PCDHA3: variants seen among roughly 807,000 people sequenced by gnomAD.
PCDHA3 encodes the protein protocadherin alpha 3.
Under a neutral mutation model 62.2 loss-of-function variants are expected in PCDHA3, and 41 were observed. The ratio of observed to expected loss-of-function variants is 0.66; its 90% CI spans 0.51 to 0.86. PCDHA3 has a LOEUF of 0.86. PCDHA3 is among the 40% of genes least tolerant of loss of function. The probability of loss-of-function intolerance (pLI) is 0.00; values close to 1 mark genes in which losing one functional copy is unlikely to be tolerated. For missense variants in PCDHA3, 1,304 were observed against 1,241.2 expected (o/e 1.05, Z -0.76); for synonymous variants, 640 against 555.4 (o/e 1.15, Z -2.14).
At chr5:140,851,475 T>C (rs1554145417) in intron 1 of PCDHA3, 2 of 890,456 alleles carry the variant, frequency 2.2e-6, no homozygotes, top group African/African-American at 3.6e-5. Flanking sequence ...CAATAAATGT[T>C]ATAAACACAG....
intron 1 of PCDHA3, among the ~76,000 whole-genome samples, chr5:140,913,928 G>A (rs2076511708): frequency 1.3e-5 from 2 of 151,918 alleles, no homozygotes; most frequent in Non-Finnish European, 2.9e-5. Flanking sequence ...CTTCATTGTG[G>A]TCAGAGAAGA....
At chr5:140,919,926 T>C (rs1040693581) in intron 1 of PCDHA3, among the ~76,000 whole-genome samples, 18 of 152,088 alleles carry the variant, frequency 1.2e-4, no homozygotes, top group African/African-American at 4.1e-4. Flanking sequence ...AATTTTCAGG[T>C]GGGGGCTAAT....
intron 1 of PCDHA3, chr5:140,857,553 C>A: frequency 1.3e-6 from 2 of 1,597,008 alleles, no homozygotes; most frequent in Non-Finnish European, 1.7e-6. Flanking sequence ...GGCGAGCGCT[C>A]GCTGTCGAGC....
chr5:140,803,913 C>T, intron 1 of PCDHA3: 2 of 500,064 alleles, frequency 4.0e-6, no homozygotes, highest in South Asian at 2.5e-5. Flanking sequence ...AATCTGACTT[C>T]GACTTGTTTT....
At position 140,803,106 on chromosome 5, in the gene PCDHA3, C is replaced by G. The variant is rs781825644; in HGVS notation, c.1909C>G (p.Leu637Val). Reference sequence around the variant, plus strand: ...GGGAGAGATCAGCACGACCCGTGCCCTGGACGAGGTGGACGCCCCGCGCCA... The same window carrying G: ...GGGAGAGATCAGCACGACCCGTGCCGTGGACGAGGTGGACGCCCCGCGCCA... ...YTGEISTTRA[L>V]DEVDAPRHRL... is the part of the protein sequence containing the mutation. Residue 637 changes from leucine (L) to valine (V), a missense_variant, in exon 1 of 4, where the codon CTG (leucine) becomes GTG (valine). Leu to Val is a conservative substitution (Grantham distance 32, BLOSUM62 1). Transcript: ENST00000522353. 3.7e-6 allele frequency: 6 copies of G among 1,613,860 alleles called. No individual in the cohort carries two copies. Among genetic ancestry groups the G allele is most frequent in the Non-Finnish European group, 5.1e-6 (6 of 1,179,950 alleles).
chr5:140,887,643 T>C (rs1392264032), intron 1 of PCDHA3, among the ~76,000 whole-genome samples: 2 of 152,148 alleles, frequency 1.3e-5, no homozygotes, highest in African/African-American at 4.8e-5. Flanking sequence ...TTGGGGTTTG[T>C]TGATATTCTT....
intron 1 of PCDHA3, among the ~76,000 whole-genome samples, chr5:140,894,199 GC>G (rs2064359112): frequency 6.6e-6 from 1 of 151,732 alleles, no homozygotes; most frequent in Admixed American, 6.6e-5. Context: ...TTTTTTCTAT[GC>G]TATTATATTC....
intron 1 of PCDHA3, chr5:140,842,173 T>C: frequency 6.2e-7 from 1 of 1,613,902 alleles, no homozygotes; most frequent in Non-Finnish European, 8.5e-7. Context: ...TTAATAGCCT[T>C]GTTGAAACTA....
chr5:140,842,806 G>A (rs2150344901), intron 1 of PCDHA3: 10 of 1,594,218 alleles, frequency 6.3e-6, no homozygotes, highest in South Asian at 3.3e-5. Context: ...ACTCGCTTGT[G>A]GAGCGGCGGG....
intron 1 of PCDHA3, chr5:140,850,383 G>A (rs2150481860): frequency 2.5e-6 from 4 of 1,597,842 alleles, no homozygotes; most frequent in South Asian, 1.1e-5. Context: ...GTACACGGGC[G>A]AGATCAGCAC....
intron 3 of PCDHA3, among the ~76,000 whole-genome samples, chr5:140,990,224 G>A (rs1368393390): frequency 6.6e-6 from 1 of 152,160 alleles, no homozygotes; most frequent in South Asian, 2.1e-4. Flanking sequence ...GAAGTTTATT[G>A]TAACTAGCGT....
At chr5:140,928,388 C>T in intron 1 of PCDHA3, 1 of 1,614,012 alleles carries the variant, frequency 6.2e-7, no homozygotes, top group Non-Finnish European at 8.5e-7. Flanking sequence ...AGCTTGCTGG[C>T]AGTGGAATCA....
intron 1 of PCDHA3, among the ~76,000 whole-genome samples, chr5:140,806,007 C>G (rs1763665363): frequency 6.6e-6 from 1 of 152,136 alleles, no homozygotes; most frequent in Admixed American, 6.5e-5. Context: ...GACACACATA[C>G]TCAAATGCTT....
chr5:140,994,217 T>G (rs781792763), intron 3 of PCDHA3, among the ~76,000 whole-genome samples: 2 of 152,110 alleles, frequency 1.3e-5, no homozygotes, highest in Non-Finnish European at 2.9e-5. Flanking sequence ...GGACCCAGGG[T>G]CTGTCTATGT....
At chr5:140,807,339 A>C in intron 1 of PCDHA3, 7 of 1,613,222 alleles carry the variant, frequency 4.3e-6, no homozygotes, top group African/African-American at 1.3e-5. Context: ...ATCGCGCAGG[A>C]CCTGGGACTG....
At chr5:140,923,966 C>T (rs1422839186) in intron 1 of PCDHA3, among the ~76,000 whole-genome samples, 3 of 152,188 alleles carry the variant, frequency 2.0e-5, no homozygotes, top group Non-Finnish European at 4.4e-5. Flanking sequence ...AATCTATACC[C>T]ACACATACTA....
intron 1 of PCDHA3, among the ~76,000 whole-genome samples, chr5:140,918,404 T>C (rs2078676215): frequency 6.6e-6 from 1 of 152,196 alleles, no homozygotes; most frequent in Admixed American, 6.5e-5. Context: ...CTGATTTCTC[T>C]GGCCAGGACT....
At chr5:140,836,830 GAT>G in intron 1 of PCDHA3, 1 of 945,180 alleles carries the variant, frequency 1.1e-6, no homozygotes, top group Non-Finnish European at 1.6e-6. Flanking sequence ...TTTTTTAGTT[GAT>G]AGCTTTATGT....
intron 1 of PCDHA3, chr5:140,836,533 T>A (rs1554136046): frequency 6.2e-7 from 1 of 1,613,734 alleles, no homozygotes; most frequent in Non-Finnish European, 8.5e-7. Flanking sequence ...ACCCTGCTGC[T>A]GTACACGGCG....
Sources: gnomAD v4.1 joint callset for allele counts (sites outside exome capture counted in the v4.1 genomes callset) on GRCh38, gnomAD v4.1.1 for gene constraint, MANE v1.5 for transcripts, NCBI Gene and HGNC (gene_info 2026-07-23, HGNC 2026-07-21) for gene names.